Variants in TCF3 observed in about 807,000 individuals in gnomAD.
The protein encoded by TCF3 is transcription factor E2-alpha.
TCF3 carries 54 observed loss-of-function variants against 72.3 expected under a neutral mutation model. That is an observed-to-expected ratio of 0.75 (90% CI 0.60 to 0.94). TCF3 has a LOEUF of 0.94. TCF3 is among the 40% of genes least tolerant of loss of function. TCF3 has a pLI of 0.00. For synonymous variants in TCF3, 525 were observed against 412.6 expected, an observed-to-expected ratio of 1.27 and a Z score of -3.30; for missense variants, 1,078 against 934.4, an observed-to-expected ratio of 1.15 and a Z score of -2.00.
chr19:1,612,569 T>C, intron 18 of TCF3: 1 of 807,488 alleles, frequency 1.2e-6, no homozygotes, highest in Non-Finnish European at 2.0e-6. Flanking sequence ...CGGCTGGTGT[T>C]GGTGGGCACA....
intron 5 of TCF3, 152 bp from the exon 6 acceptor site, chr19:1,627,578 T>C (rs2063050519): frequency 1.4e-6 from 1 of 695,576 alleles, no homozygotes; most frequent in Non-Finnish European, 2.5e-6. Flanking sequence ...GACCCCAGTG[T>C]GCCCATCTCG....
rs1320733361 is a variant in TCF3 at position 1,619,493 on chromosome 19, G to C, written c.1168-19C>G. 1 of 1,559,888 alleles carries C rather than the reference G, an allele frequency of 6.4e-7. No homozygotes were observed. The highest frequency in any genetic ancestry group is 2.3e-5 in the East Asian group (1 of 44,134). On this transcript the variant is annotated intron_variant, in intron 14 of 18. Transcript: ENST00000262965. ...TACTCTGCTGCAGGGTGGGGGGATG[G>C]GTGGTGAGGGGCCCAAGCCGAGGGA...
rs369282376 is a variant in TCF3 at position 1,617,734 on chromosome 19, A to G, written c.1450+1377T>C. On this transcript the variant is annotated intron_variant, in intron 16 of 18. Coordinates refer to ENST00000262965, the MANE Select transcript of TCF3 (RefSeq NM_003200.5). Reference sequence around the variant, plus strand: ...ACAGAGGGGAGCCTATGGGTGAAAGACTAAGCTTGGGGCTGCCCCTGGAAA... The same window carrying G: ...ACAGAGGGGAGCCTATGGGTGAAAGGCTAAGCTTGGGGCTGCCCCTGGAAA... Among the ~76,000 whole-genome samples the G allele has an allele frequency of 2.6e-5, 4 of 152,326 alleles. No individual in the cohort carries two copies. In the East Asian group the frequency reaches 7.7e-4, roughly 29 times the overall value.
At chr19:1,612,517 G>A (rs1043376227) in intron 18 of TCF3, 3 of 1,358,190 alleles carry the variant, frequency 2.2e-6, no homozygotes, top group Non-Finnish European at 3.1e-6. Context: ...AGGGTATCCA[G>A]CTACTTGTGT....
intron 2 of TCF3, among the ~76,000 whole-genome samples, chr19:1,649,920 G>T (rs1197610747): frequency 6.6e-6 from 1 of 152,226 alleles, no homozygotes; most frequent in African/African-American, 2.4e-5. Flanking sequence ...ATGCCCCTGA[G>T]GACTCAGTTT....
chr19:1,625,027 C>G (rs541116070), intron 7 of TCF3, among the ~76,000 whole-genome samples: 1 of 152,124 alleles, frequency 6.6e-6, no homozygotes, highest in Non-Finnish European at 1.5e-5. Flanking sequence ...TAAAATTTTT[C>G]GCAAAGATGG....
In TCF3 at chr19:1,610,410, T is replaced by C. The variant is rs942514247; in HGVS notation, c.*1297A>G. The C allele has an allele frequency of 4.4e-6, 1 of 226,726 alleles. No individual in the cohort carries two copies. Among genetic ancestry groups the C allele is most frequent in the Non-Finnish European group, 8.8e-6 (1 of 114,154 alleles). The allele number at this position is 226,726 out of a possible 1,614,324, so 14.0% of individuals were successfully genotyped here. On this transcript the variant is annotated 3_prime_UTR_variant, in exon 19 of 19. Coordinates refer to ENST00000262965, the MANE Select transcript of TCF3 (RefSeq NM_003200.5). The stretch of plus-strand genomic sequence containing the variant: ...ACGTCACGATGGCCCTCTGGTGTAA[T>C]GGGGACATGGTGGGGTGGGGTGGGG...
chr19:1,639,907 T>C (rs1225258650), intron 3 of TCF3, among the ~76,000 whole-genome samples: 1 of 152,116 alleles, frequency 6.6e-6, no homozygotes, highest in Non-Finnish European at 1.5e-5. Flanking sequence ...GCCTGTGATC[T>C]GAAAGTCACC....
At chr19:1,619,696 A>G (rs2061941770) in intron 14 of TCF3, 84 bp downstream of exon 14, 1 of 1,335,870 alleles carries the variant, frequency 7.5e-7, no homozygotes, top group Admixed American at 2.1e-5. Context: ...CAAGAAACTA[A>G]CAAAAAGGTT....
At chr19:1,637,275 C>T (rs2064562736) in intron 3 of TCF3, among the ~76,000 whole-genome samples, 1 of 148,982 alleles carries the variant, frequency 6.7e-6, no homozygotes, top group Non-Finnish European at 1.5e-5. Context: ...CTGGCAACCT[C>T]CTCCACCAGA....
intron 3 of TCF3, among the ~76,000 whole-genome samples, chr19:1,638,855 A>T (rs1055005704): frequency 5.3e-5 from 8 of 152,256 alleles, no homozygotes; most frequent in African/African-American, 1.9e-4. Context: ...AAACAAAATA[A>T]GACGATGGAA....
chr19:1,610,457 A>G lies in TCF3; in HGVS notation c.*1250T>C, dbSNP rs1252618836. On this transcript the variant is annotated 3_prime_UTR_variant, in exon 19 of 19. Coordinates refer to ENST00000262965, the MANE Select transcript of TCF3 (RefSeq NM_003200.5). ...GGGGGGTGTCCTGTGCTGGCTCCTG[A>G]GCAGCATCCTCTCAGCCAGAGTTCA... 1.3e-5 allele frequency: 3 copies of G among 230,656 alleles called. No homozygotes were observed. The highest frequency in any genetic ancestry group is 4.4e-5 in the African/African-American group (2 of 45,084). The allele number at this position is 230,656 out of a possible 1,614,324, so 14.3% of individuals were successfully genotyped here.
intron 3 of TCF3, 97 bp from the exon 4 acceptor site, chr19:1,632,502 G>C: frequency 7.5e-7 from 1 of 1,329,732 alleles, no homozygotes; most frequent in Non-Finnish European, 1.0e-6. Context: ...CAGTGGACCC[G>C]GGGGGCTTGT....
At position 1,632,060 on chromosome 19, in the gene TCF3, T is replaced by C. The variant is rs141390047; in HGVS notation, c.276A>G (p.Thr92=). The change falls in exon 5 of 19, where the codon ACA becomes ACG. Residue 92 remains threonine, a synonymous_variant. Transcript: ENST00000262965. ...TESHSSLSSS[T]FLGPGLGGKS... ...CACCTCCGAGTCCCGGTCCCAGGAA[T>C]GTGGATGAAGAGAGGCTGCTGTGCG... The C allele has an allele frequency of 7.1e-4, 1,140 of 1,613,466 alleles. 2 individuals are homozygous for C. In the Middle Eastern group the frequency reaches 0.012, roughly 17 times the overall value.
chr19:1,621,859 T>C lies in TCF3; in HGVS notation c.934A>G (p.Ser312Gly). ...GGVSSHTPPV[S>G]GADSLLGSRG... ...ATACCCAGGAGGCTGTCGGCCCCGC[T>C]GACAGGCGGCGTGTGGCTGGAGACG... Residue 312 changes from serine to glycine, a missense_variant, in exon 11 of 19, where the codon AGC (serine) becomes GGC (glycine). By Grantham distance (56) the Ser-to-Gly change is moderately conservative (BLOSUM62 0). Transcript: ENST00000262965. 4 of 1,593,312 alleles carry C rather than the reference T, an allele frequency of 2.5e-6. No homozygotes were observed. The highest frequency in any genetic ancestry group is 1.7e-6 in the Non-Finnish European group (2 of 1,171,524).
Position 1,632,318 on chromosome 19 carries a change from A to G in TCF3, c.219+14T>C. 6.3e-7 allele frequency: 1 copy of G among 1,576,614 alleles called. No homozygotes were observed. Among genetic ancestry groups the G allele is most frequent in the Non-Finnish European group, 8.6e-7 (1 of 1,160,980 alleles). On this transcript the variant is annotated intron_variant, in intron 4 of 18. Coordinates refer to ENST00000262965, the MANE Select transcript of TCF3 (RefSeq NM_003200.5). ...CAGGAAACTCAGGGTCTCAGGCCTC[A>G]CGGGGACTCCTACCCGGCTGGGGTC...
Position 1,617,512 on chromosome 19 carries a change from A to C in TCF3, c.1450+1599T>G, listed in dbSNP as rs147604168. On this transcript the variant is annotated intron_variant, in intron 16 of 18. Transcript: ENST00000262965. ...CAGCAGGGCCTGGGCCACCCCCAAA[A>C]CCCGGGCTTGGGGAGTCCAGGAATC... Among the ~76,000 whole-genome samples, 310 of 152,274 alleles carry C rather than the reference A, an allele frequency of 2.0e-3. 3 individuals carry two copies. The highest frequency in any genetic ancestry group is 7.1e-3 in the African/African-American group (294 of 41,550).
chr19:1,644,553 C>A (rs998893259), intron 3 of TCF3, among the ~76,000 whole-genome samples: 15 of 152,226 alleles, frequency 9.9e-5, no homozygotes, highest in Non-Finnish European at 2.1e-4. Context: ...CCCTCCCAAC[C>A]TGCAGCATTG....
intron 5 of TCF3, among the ~76,000 whole-genome samples, chr19:1,630,820 C>A (rs752318882): frequency 4.6e-5 from 7 of 152,194 alleles, no homozygotes; most frequent in Non-Finnish European, 7.4e-5. Context: ...CCCCAAGACC[C>A]CTACCTGAGC....
Sources: gnomAD v4.1 joint callset for allele counts (sites outside exome capture counted in the v4.1 genomes callset) on GRCh38, gnomAD v4.1.1 for gene constraint, MANE v1.5 for transcripts, NCBI Gene and HGNC (gene_info 2026-07-23, HGNC 2026-07-21) for gene names.